UNC5C: variants seen among roughly 807,000 people sequenced by gnomAD.
UNC5C encodes netrin receptor UNC5C.
A neutral mutation model predicts 99.8 loss-of-function variants in UNC5C; 47 were observed. The observed-to-expected ratio is 0.47, with a 90% CI of 0.37 to 0.60. The LOEUF (loss-of-function observed/expected upper bound fraction) is 0.60. Among genes scored for constraint, UNC5C ranks in the 20% least tolerant of loss-of-function variants. UNC5C has a pLI of 0.00. For synonymous variants in UNC5C, 487 were observed against 452.2 expected, an observed-to-expected ratio of 1.08 and a Z score of -0.98; for missense variants, 1,062 against 1,165.9, an observed-to-expected ratio of 0.91 and a Z score of 1.30.
intron 1 of UNC5C, among the ~76,000 whole-genome samples, chr4:95,478,967 T>A (rs1347131353): frequency 6.6e-6 from 1 of 151,922 alleles, no homozygotes; most frequent in African/African-American, 2.4e-5. Context: ...CCCCCTCTCA[T>A]CATGTGACAC....
chr4:95,386,848 T>TC (rs1256683820), intron 1 of UNC5C, among the ~76,000 whole-genome samples: 1 of 152,152 alleles, frequency 6.6e-6, no homozygotes, highest in Non-Finnish European at 1.5e-5. Flanking sequence ...GTGTTTTTTT[T>TC]CTCCATGAAG....
chr4:95,491,751 G>C (rs1721499029), intron 1 of UNC5C, among the ~76,000 whole-genome samples: 1 of 151,486 alleles, frequency 6.6e-6, no homozygotes, highest in Non-Finnish European at 1.5e-5. Context: ...CAAATAAAAT[G>C]ATGATTTTAT....
At chr4:95,375,804 G>A (rs920226350) in intron 1 of UNC5C, among the ~76,000 whole-genome samples, 6 of 152,172 alleles carry the variant, frequency 3.9e-5, no homozygotes, top group South Asian at 4.1e-4. Context: ...TAGGCCGGGC[G>A]TGGTGGCTCA....
intron 1 of UNC5C, among the ~76,000 whole-genome samples, chr4:95,394,240 AC>A (rs1188821311): frequency 6.6e-6 from 1 of 150,982 alleles, no homozygotes; most frequent in Non-Finnish European, 1.5e-5. Flanking sequence ...CACTTCTGAA[AC>A]TTTAATAGTA....
chr4:95,540,726 C>T (rs992967658), intron 1 of UNC5C, among the ~76,000 whole-genome samples: 9 of 152,100 alleles, frequency 5.9e-5, no homozygotes, highest in South Asian at 2.1e-4. Context: ...TAATCAAAAA[C>T]GAAATTCAAA....
At chr4:95,487,596 T>G (rs916047740) in intron 1 of UNC5C, among the ~76,000 whole-genome samples, 1 of 151,798 alleles carries the variant, frequency 6.6e-6, no homozygotes, top group Non-Finnish European at 1.5e-5. Flanking sequence ...TACACTACTA[T>G]AAATACTTAT....
chr4:95,269,727 A>T (rs1215079001), intron 4 of UNC5C, among the ~76,000 whole-genome samples: 32 of 150,960 alleles, frequency 2.1e-4, no homozygotes, highest in African/African-American at 7.6e-4. Context: ...TTTTTTTTTA[A>T]ATGAGACCGA....
At chr4:95,326,762 A>C (rs1579326809) in intron 2 of UNC5C, among the ~76,000 whole-genome samples, 1 of 152,198 alleles carries the variant, frequency 6.6e-6, no homozygotes, top group East Asian at 1.9e-4. Flanking sequence ...CTTCCTATTT[A>C]ATGATTTCAT....
At chr4:95,297,771 G>C (rs1303893443) in intron 3 of UNC5C, among the ~76,000 whole-genome samples, 8 of 152,142 alleles carry the variant, frequency 5.3e-5, no homozygotes, top group Admixed American at 5.2e-4. Context: ...CTCAACAAAA[G>C]CTGTTATCTC....
chr4:95,394,651 C>CTGTGTGTGTGTGTGTG (rs10527279), intron 1 of UNC5C, among the ~76,000 whole-genome samples: 4,733 of 147,698 alleles, frequency 0.032, 225 homozygotes, highest in African/African-American at 0.087. Context: ...AAGGTATTTG[C>CTGTGTGTGTGTGTGTG]TGTGTGTGTG....
At chr4:95,260,113 C>T (rs752624213) in intron 4 of UNC5C, among the ~76,000 whole-genome samples, 4 of 152,144 alleles carry the variant, frequency 2.6e-5, no homozygotes, top group Non-Finnish European at 5.9e-5. Context: ...GGGACTGTCC[C>T]CCATCTTTTT....
Position 95,169,222 on chromosome 4 carries a change from C to T in UNC5C, c.*12G>A, listed in dbSNP as rs1735983895. ...GCATTTTTGTCCTTCATTTCCCCTT[C>T]CAGCATGGTGGTTAATACTGCCCTT... On this transcript the variant is annotated 3_prime_UTR_variant, in exon 16 of 16. Coordinates refer to ENST00000453304, the MANE Select transcript of UNC5C (RefSeq NM_003728.4). The T allele has an allele frequency of 1.2e-6, 2 of 1,612,772 alleles. No individual in the cohort carries two copies. Among genetic ancestry groups the T allele is most frequent in the East Asian group, 2.2e-5 (1 of 44,838 alleles).
At chr4:95,189,646 AAG>A (rs1488571446) in intron 12 of UNC5C, among the ~76,000 whole-genome samples, 1 of 152,224 alleles carries the variant, frequency 6.6e-6, no homozygotes, top group Non-Finnish European at 1.5e-5. Flanking sequence ...ATTTACGAGA[AAG>A]AAACAAACAA....
intron 1 of UNC5C, among the ~76,000 whole-genome samples, chr4:95,381,692 C>T (rs1302439734): frequency 6.6e-6 from 1 of 152,006 alleles, no homozygotes; most frequent in African/African-American, 2.4e-5. Flanking sequence ...TTACTGTCAA[C>T]AATGAATATC....
At chr4:95,434,159 T>C (rs886524658) in intron 1 of UNC5C, among the ~76,000 whole-genome samples, 1 of 152,164 alleles carries the variant, frequency 6.6e-6, no homozygotes, top group Non-Finnish European at 1.5e-5. Flanking sequence ...CACTAGTTCA[T>C]CTAACACAGG....
rs145786946 is a variant in UNC5C, at chr4:95,408,975, A to G, written c.125-73344T>C. On this transcript the variant is annotated intron_variant, in intron 1 of 15. Transcript: ENST00000453304. The stretch of plus-strand genomic sequence containing the variant: ...AGACTGAGATAGCCAATGCTAGCAG[A>G]GCTACCCATGATCCGAATTTACAAA... Among the ~76,000 whole-genome samples, 1,069 of 152,318 alleles carry G rather than the reference A, an allele frequency of 7.0e-3. 6 individuals carry two copies. The highest frequency in any genetic ancestry group is 0.011 in the Non-Finnish European group (753 of 68,030).
chr4:95,437,957 C>G (rs928261275), intron 1 of UNC5C, among the ~76,000 whole-genome samples: 1 of 152,050 alleles, frequency 6.6e-6, no homozygotes, highest in Admixed American at 6.6e-5. Context: ...TGCAGGTAAA[C>G]TTTGCACATT....
chr4:95,526,453 A>G (rs1722499915), intron 1 of UNC5C, among the ~76,000 whole-genome samples: 2 of 152,130 alleles, frequency 1.3e-5, no homozygotes. Context: ...TACAATACAA[A>G]GTGTAAATAA....
At chr4:95,379,031 C>G (rs1308362090) in intron 1 of UNC5C, among the ~76,000 whole-genome samples, 1 of 151,988 alleles carries the variant, frequency 6.6e-6, no homozygotes, top group Non-Finnish European at 1.5e-5. Context: ...ACTAAGCCCT[C>G]ATACTAAGGA....
Sources: gnomAD v4.1 joint callset for allele counts (sites outside exome capture counted in the v4.1 genomes callset) on GRCh38, gnomAD v4.1.1 for gene constraint, MANE v1.5 for transcripts, NCBI Gene and HGNC (gene_info 2026-07-23, HGNC 2026-07-21) for gene names.